SLC39A11: variants seen among roughly 807,000 people sequenced by gnomAD.
The protein encoded by SLC39A11 is zinc transporter ZIP11.
In SLC39A11, 33 loss-of-function variants were observed where a neutral mutation model predicts 36.1. That is an observed-to-expected ratio of 0.91 (90% CI 0.69 to 1.22). The LOEUF is 1.22. Among genes scored for constraint, SLC39A11 ranks in the 50% most tolerant of loss-of-function variants. The pLI is 0.00. For missense variants in SLC39A11, 432 were observed against 430.3 expected, an observed-to-expected ratio of 1.00 and a Z score of -0.03; for synonymous variants, 166 against 170.3, an observed-to-expected ratio of 0.97 and a Z score of 0.20.
chr17:72,771,027 A>G (rs1002401152), intron 6 of SLC39A11, among the ~76,000 whole-genome samples: 1 of 151,528 alleles, frequency 6.6e-6, no homozygotes, highest in Non-Finnish European at 1.5e-5. Context: ...ATCATTTAGC[A>G]TTTACGACAT....
At chr17:72,744,008 G>T (rs1414484725) in intron 6 of SLC39A11, among the ~76,000 whole-genome samples, 1 of 152,170 alleles carries the variant, frequency 6.6e-6, no homozygotes, top group African/African-American at 2.4e-5. Flanking sequence ...TCCTCCTGGG[G>T]CTGGAAGGCG....
chr17:73,056,646 C>T (rs2144094313), intron 3 of SLC39A11, among the ~76,000 whole-genome samples: 1 of 152,270 alleles, frequency 6.6e-6, no homozygotes, highest in African/African-American at 2.4e-5. Flanking sequence ...CCTCAGGTGC[C>T]TGCCTGGGTC....
At chr17:72,851,492 T>A (rs1456534365) in intron 5 of SLC39A11, among the ~76,000 whole-genome samples, 1 of 152,218 alleles carries the variant, frequency 6.6e-6, no homozygotes, top group Non-Finnish European at 1.5e-5. Flanking sequence ...CAAGCATAAC[T>A]CAGGTGTCTG....
chr17:72,745,714 C>A (rs955965938), intron 6 of SLC39A11, among the ~76,000 whole-genome samples: 6 of 152,208 alleles, frequency 3.9e-5, no homozygotes, highest in Non-Finnish European at 2.9e-5. Context: ...CTGGTTTAAG[C>A]ACTCATAGTA....
intron 7 of SLC39A11, chr17:72,664,181 T>C (rs1022373208): frequency 1.3e-5 from 2 of 152,854 alleles, no homozygotes; most frequent in Non-Finnish European, 2.9e-5. Flanking sequence ...GAGCTTTAAG[T>C]GCCTTTATAA....
At chr17:73,047,948 CA>C (rs1001544608) in intron 3 of SLC39A11, among the ~76,000 whole-genome samples, 13 of 103,748 alleles carry the variant, frequency 1.3e-4, no homozygotes, top group African/African-American at 5.0e-4. Flanking sequence ...AATCTGGCGA[CA>C]GAGCAAGACT....
chr17:72,872,343 G>A (rs2080677278), intron 5 of SLC39A11, among the ~76,000 whole-genome samples: 1 of 152,144 alleles, frequency 6.6e-6, no homozygotes, highest in African/African-American at 2.4e-5. Flanking sequence ...GCGTTGGAAG[G>A]TCATCAGGGC....
chr17:72,781,830 C>T, intron 6 of SLC39A11, among the ~76,000 whole-genome samples: 1 of 151,542 alleles, frequency 6.6e-6, no homozygotes, highest in Admixed American at 6.6e-5. Context: ...TTTTAAATAA[C>T]AGACTCTCGG....
intron 4 of SLC39A11, among the ~76,000 whole-genome samples, chr17:73,026,200 G>GAAGAGAAGA (rs1555683108): frequency 0.12 from 15,058 of 126,900 alleles, 2,315 homozygotes; most frequent in Non-Finnish European, 0.14. Context: ...AGAAGAGAAG[G>GAAGAGAAGA]GAAGAGAAGA....
intron 4 of SLC39A11, among the ~76,000 whole-genome samples, chr17:73,003,677 T>C (rs1368907154): frequency 6.6e-6 from 1 of 151,740 alleles, no homozygotes; most frequent in Admixed American, 6.6e-5. Flanking sequence ...GAGCCAGGGG[T>C]GAGGTGGCCA....
chr17:73,047,056 G>A (rs955484113), intron 3 of SLC39A11, among the ~76,000 whole-genome samples: 36 of 139,564 alleles, frequency 2.6e-4, no homozygotes, highest in Admixed American at 2.0e-3. Flanking sequence ...ACGGAGTCTC[G>A]CTCTGTTGCC....
chr17:72,796,318 C>G (rs1339592968), intron 6 of SLC39A11, among the ~76,000 whole-genome samples: 1 of 152,144 alleles, frequency 6.6e-6, no homozygotes, highest in East Asian at 1.9e-4. Flanking sequence ...CCACACACTC[C>G]CATCAACAGC....
At chr17:72,891,408 C>G (rs1480686273) in intron 5 of SLC39A11, among the ~76,000 whole-genome samples, 1 of 151,956 alleles carries the variant, frequency 6.6e-6, no homozygotes, top group Non-Finnish European at 1.5e-5. Context: ...TCTACCCTCT[C>G]AAAAAAACAG....
At chr17:72,772,837 A>T (rs1418704715) in intron 6 of SLC39A11, among the ~76,000 whole-genome samples, 1 of 152,218 alleles carries the variant, frequency 6.6e-6, no homozygotes, top group Admixed American at 6.5e-5. Context: ...TAATCCCAGC[A>T]CTTTGGGAGG....
At chr17:72,807,172 C>T (rs1270539764) in intron 6 of SLC39A11, among the ~76,000 whole-genome samples, 2 of 152,154 alleles carry the variant, frequency 1.3e-5, no homozygotes, top group Admixed American at 6.5e-5. Flanking sequence ...GGATATTCAT[C>T]ATTTTCATTG....
At chr17:72,682,905 A>C (rs2071567643) in intron 7 of SLC39A11, among the ~76,000 whole-genome samples, 2 of 152,250 alleles carry the variant, frequency 1.3e-5, no homozygotes, top group Non-Finnish European at 2.9e-5. Flanking sequence ...TAAGACCTAG[A>C]ACATTATCTT....
intron 3 of SLC39A11, among the ~76,000 whole-genome samples, chr17:73,033,227 C>A (rs1206018649): frequency 6.6e-6 from 1 of 152,208 alleles, no homozygotes; most frequent in Non-Finnish European, 1.5e-5. Context: ...ACCTGCTGTG[C>A]GGCCTGGTTC....
At chr17:72,844,320 A>G (rs1417393524) in intron 6 of SLC39A11, among the ~76,000 whole-genome samples, 1 of 152,190 alleles carries the variant, frequency 6.6e-6, no homozygotes, top group Middle Eastern at 3.2e-3. Context: ...AGACACATCT[A>G]TTTGTAGTTA....
At chr17:72,769,049 T>C (rs1191918304) in intron 6 of SLC39A11, among the ~76,000 whole-genome samples, 2 of 152,202 alleles carry the variant, frequency 1.3e-5, no homozygotes, top group East Asian at 1.9e-4. Flanking sequence ...CGTGAGCCAC[T>C]GCGCCCAGCC....
Sources: allele counts gnomAD v4.1 joint callset (sites outside exome capture counted in the v4.1 genomes callset), GRCh38; gene constraint gnomAD v4.1.1; transcripts MANE v1.5; gene names NCBI Gene and HGNC (gene_info 2026-07-23, HGNC 2026-07-21).